Variants in DNAH12 observed in about 807,000 individuals in gnomAD.
The protein encoded by DNAH12 is dynein axonemal heavy chain 12.
DNAH12 carries 285 observed loss-of-function variants against 371.5 expected under a neutral mutation model. The observed-to-expected ratio is 0.77, with a 90% CI of 0.70 to 0.85. The LOEUF is 0.85. DNAH12 is among the 40% of genes least tolerant of loss of function. The pLI, the probability that DNAH12 is intolerant of heterozygous loss-of-function variation, is 0.00. For missense variants in DNAH12, 3,611 were observed against 3,689.4 expected (o/e 0.98, Z 0.55); for synonymous variants, 1,200 against 1,213.0 (o/e 0.99, Z 0.22).
intron 60 of DNAH12, among the ~76,000 whole-genome samples, chr3:57,341,171 T>C (rs538190157): frequency 4.6e-5 from 7 of 150,748 alleles, no homozygotes; most frequent in African/African-American, 1.7e-4. Flanking sequence ...AGCTACCATA[T>C]ACTGAACTGG....
rs1559608987 is a variant in DNAH12 at position 57,390,450 on chromosome 3, TAC to T, written c.7305+1420_7305+1421del. Reference sequence around the variant, plus strand: ...ATATATATATATATATATATATATATACTTAGACCAACCATGATTCAATCCCT... The same window carrying T: ...ATATATATATATATATATATATATATTTAGACCAACCATGATTCAATCCCT... On this transcript the variant is annotated intron_variant, in intron 45 of 73. Coordinates refer to ENST00000495027, the MANE Select transcript of DNAH12 (RefSeq NM_001366028.2). Among the ~76,000 whole-genome samples the T allele has an allele frequency of 6.5e-5, 3 of 46,474 alleles. 1 individual carries two copies. The highest frequency in any genetic ancestry group is 1.9e-4 in the Non-Finnish European group (3 of 15,814). 30.5% of individuals were successfully genotyped at this position (46,474 alleles called of 152,430 possible).
At chr3:57,318,668 G>A (rs988034110) in intron 65 of DNAH12, among the ~76,000 whole-genome samples, 3 of 151,040 alleles carry the variant, frequency 2.0e-5, no homozygotes, top group Admixed American at 6.6e-5. Flanking sequence ...TTTGTATTTG[G>A]AATGTTAACT....
chr3:57,513,123 T>C (rs2068057451), intron 4 of DNAH12, among the ~76,000 whole-genome samples: 1 of 144,588 alleles, frequency 6.9e-6, no homozygotes, highest in African/African-American at 2.6e-5. Context: ...GGCAACAGAG[T>C]GAGACTTCAT....
At position 57,408,408 on chromosome 3, in the gene DNAH12, T is replaced by C. The variant is rs1216879073; in HGVS notation, c.6148A>G (p.Ile2050Val). 3 of 1,551,596 alleles carry C rather than the reference T, an allele frequency of 1.9e-6. No individual in the cohort carries two copies. Among genetic ancestry groups the C allele is most frequent in the African/African-American group, 1.4e-5 (1 of 73,168 alleles). ...ATAGTTTCATCACTAAAAGAATTAA[T>C]ACTGCAGATGTTGAAATGTCGAATA... ...RCIRHFNICS[I>V]NSFSDETMVR... Residue 2050 changes from isoleucine to valine, a missense_variant, in exon 40 of 74, where the codon ATT (isoleucine) becomes GTT (valine). This residue lies in a region of DNAH12 where 2,266 missense variants were observed against 2,236.9 expected (regional missense o/e 1.01). Transcript: ENST00000495027.
chr3:57,497,807 T>C (rs935330471), intron 11 of DNAH12, among the ~76,000 whole-genome samples: 2 of 152,196 alleles, frequency 1.3e-5, no homozygotes, highest in Admixed American at 1.3e-4. Flanking sequence ...AAATGTCTGC[T>C]CTTTGAAAGA....
At chr3:57,337,665 AATATATATATGTGTGT>A in intron 60 of DNAH12, among the ~76,000 whole-genome samples, 1 of 152,070 alleles carries the variant, frequency 6.6e-6, no homozygotes, top group Non-Finnish European at 1.5e-5. Context: ...ATCTCAAAAA[AATATATATATGTGTGT>A]ATATATATAT....
intron 29 of DNAH12, among the ~76,000 whole-genome samples, chr3:57,444,069 C>T (rs947669278): frequency 2.0e-5 from 3 of 151,858 alleles, no homozygotes; most frequent in East Asian, 2.0e-4. Flanking sequence ...GGCATGGTGG[C>T]GCTTGCCTGT....
intron 4 of DNAH12, among the ~76,000 whole-genome samples, chr3:57,516,891 C>A (rs1359038225): frequency 1.3e-5 from 2 of 152,166 alleles, no homozygotes; most frequent in African/African-American, 4.8e-5. Context: ...AAAATCCAAG[C>A]AACTTATCAT....
chr3:57,523,028 G>C (rs185328698), intron 4 of DNAH12, among the ~76,000 whole-genome samples: 255 of 151,906 alleles, frequency 1.7e-3, no homozygotes, highest in Middle Eastern at 0.01. Context: ...TTTGGAATAA[G>C]AATGAAAATA....
chr3:57,457,367 T>TA (rs113083241), intron 22 of DNAH12, among the ~76,000 whole-genome samples: 11,046 of 152,202 alleles, frequency 0.073, 1,346 homozygotes, highest in African/African-American at 0.25. Context: ...GGGCTTTACG[T>TA]AGGATACCTA....
At chr3:57,542,933 TTA>T in intron 1 of DNAH12, 30 bp from the exon 2 acceptor site, 1 of 1,459,124 alleles carries the variant, frequency 6.9e-7, no homozygotes, top group Non-Finnish European at 9.1e-7. Context: ...AAAGCCATTA[TTA>T]TGTCAGCAAG....
intron 47 of DNAH12, among the ~76,000 whole-genome samples, 194 bp downstream of exon 47, chr3:57,386,247 T>C (rs1012221649): frequency 3.3e-5 from 5 of 151,596 alleles, no homozygotes; most frequent in African/African-American, 1.2e-4. Context: ...AAACTTACTG[T>C]ACTCATTTGT....
chr3:57,436,645 T>C (rs749190815), intron 30 of DNAH12, among the ~76,000 whole-genome samples: 1 of 152,202 alleles, frequency 6.6e-6, no homozygotes, highest in East Asian at 1.9e-4. Flanking sequence ...TCCTGAACTT[T>C]GAGTCTGGTT....
At chr3:57,524,534 A>C (rs1479254093) in intron 2 of DNAH12, among the ~76,000 whole-genome samples, 1 of 152,108 alleles carries the variant, frequency 6.6e-6, no homozygotes, top group Non-Finnish European at 1.5e-5. Context: ...TGTAAATCAC[A>C]ATACTAGATC....
In DNAH12 at chr3:57,293,827, T is replaced by C; in HGVS notation, c.11837A>G (p.His3946Arg). ...MLLKTDQPTR[H>R]WIKRGVALLC... ...CAAAGCAACCCCGCGCTTGATCCAG[T>C]GCCGAGTAGGTTGGTCTGTTTTTAA... Residue 3946 changes from histidine to arginine, a missense_variant, in exon 74 of 74, where the codon CAC (histidine) becomes CGC (arginine). His to Arg is a conservative substitution (Grantham distance 29). Transcript: ENST00000495027. 2 of 1,551,368 alleles carry C rather than the reference T, an allele frequency of 1.3e-6. No homozygotes were observed. Among genetic ancestry groups the C allele is most frequent in the Non-Finnish European group, 1.7e-6 (2 of 1,146,860 alleles).
Position 57,309,202 on chromosome 3 carries a change from T to C in DNAH12, c.11138A>G (p.Tyr3713Cys). ...EMALRKYPVR[Y>C]EESMNTVLVQ... ...TAACACAGTATTCATGCTTTCTTCA[T>C]ATCTCACAGGATACTTCCGTAGTGC... Residue 3713 changes from tyrosine (Y) to cysteine (C), a missense_variant, in exon 69 of 74, where the codon TAT becomes TGT. Physicochemically the swap from Tyr to Cys is radical, Grantham distance 194. This residue lies in a region of DNAH12 where 2,266 missense variants were observed against 2,236.9 expected (regional missense o/e 1.01). Coordinates refer to ENST00000495027, the MANE Select transcript of DNAH12 (RefSeq NM_001366028.2). 1.3e-6 allele frequency: 2 copies of C among 1,550,698 alleles called. No homozygotes were observed. The highest frequency in any genetic ancestry group is 1.7e-6 in the Non-Finnish European group (2 of 1,146,786).
intron 39 of DNAH12, among the ~76,000 whole-genome samples, chr3:57,410,325 G>C (rs1387304185): frequency 6.6e-6 from 1 of 151,690 alleles, no homozygotes; most frequent in East Asian, 1.9e-4. Flanking sequence ...TTTATATCTG[G>C]TATGGTGATC....
the DNAH12 span, among the ~76,000 whole-genome samples, chr3:57,552,923 T>A: frequency 3.9e-5 from 6 of 152,048 alleles, no homozygotes; most frequent in African/African-American, 1.4e-4. Flanking sequence ...ATGCCTATAA[T>A]CCCAGCACTT....
At chr3:57,378,117 A>G (rs2063319009) in intron 52 of DNAH12, among the ~76,000 whole-genome samples, 1 of 152,146 alleles carries the variant, frequency 6.6e-6, no homozygotes, top group African/African-American at 2.4e-5. Context: ...GACTTCAGAG[A>G]AGACATTGTT....
Sources: allele counts gnomAD v4.1 joint callset (sites outside exome capture counted in the v4.1 genomes callset), GRCh38; gene constraint gnomAD v4.1.1; regional missense constraint gnomAD v4.1.1; transcripts MANE v1.5; gene names NCBI Gene and HGNC (gene_info 2026-07-23, HGNC 2026-07-21).